Variants in THSD7A observed in about 807,000 individuals in gnomAD.
The protein encoded by THSD7A is thrombospondin type 1 domain containing 7A.
Under a neutral mutation model 231.3 loss-of-function variants are expected in THSD7A, and 96 were observed. The ratio of observed to expected loss-of-function variants is 0.41; its 90% CI spans 0.35 to 0.49. THSD7A has a LOEUF of 0.49. Among genes scored for constraint, THSD7A ranks in the 20% least tolerant of loss-of-function variants. THSD7A has a pLI of 0.05. For synonymous variants in THSD7A, 940 were observed against 743.3 expected (o/e 1.26, Z -4.30); for missense variants, 2,290 against 2,070.2 (o/e 1.11, Z -2.06).
intron 2 of THSD7A, among the ~76,000 whole-genome samples, chr7:11,602,358 C>A (rs1780582602): frequency 6.6e-6 from 1 of 151,970 alleles, no homozygotes; most frequent in South Asian, 2.1e-4. Flanking sequence ...ATACCCCAAA[C>A]CTTTCAACAA....
intron 1 of THSD7A, among the ~76,000 whole-genome samples, chr7:11,698,331 T>C (rs1780465524): frequency 6.6e-6 from 1 of 151,356 alleles, no homozygotes; most frequent in African/African-American, 2.4e-5. Context: ...TGAAGTTTTT[T>C]TTTTCATTCT....
chr7:11,820,330 G>C, intron 1 of THSD7A: 2 of 842,996 alleles, frequency 2.4e-6, no homozygotes, highest in Non-Finnish European at 1.7e-6. Context: ...CTCGGTTGTG[G>C]GCTGTAAATT....
intron 4 of THSD7A, among the ~76,000 whole-genome samples, chr7:11,587,894 A>G (rs1779979715): frequency 6.6e-6 from 1 of 152,136 alleles, no homozygotes; most frequent in Non-Finnish European, 1.5e-5. Context: ...TTTGAGTTAA[A>G]GTATTTTGTT....
At chr7:11,672,418 A>T (rs968762653) in intron 1 of THSD7A, among the ~76,000 whole-genome samples, 1 of 152,160 alleles carries the variant, frequency 6.6e-6, no homozygotes, top group Non-Finnish European at 1.5e-5. Context: ...CTTTCACTCT[A>T]TATTTAAAAC....
chr7:11,778,996 T>C (rs925770314), intron 1 of THSD7A, among the ~76,000 whole-genome samples: 2 of 152,104 alleles, frequency 1.3e-5, no homozygotes, highest in Admixed American at 1.3e-4. Context: ...AATATAAACA[T>C]AATTGGTATC....
At chr7:11,490,269 T>C (rs926964438) in intron 6 of THSD7A, among the ~76,000 whole-genome samples, 1 of 152,110 alleles carries the variant, frequency 6.6e-6, no homozygotes, top group African/African-American at 2.4e-5. Context: ...ACATGACCTT[T>C]AAATACATGA....
In THSD7A at chr7:11,406,416, C is replaced by G. The variant is rs1783583531; in HGVS notation, c.4121G>C (p.Gly1374Ala). ...TRNISCVVSD[G>A]SADDFSKVVD... is the part of the protein sequence containing the mutation. The stretch of plus-strand genomic sequence containing the variant: ...CACTTTGCTGAAATCATCAGCTGAC[C>G]CATCACTTACTACACAAGAAATGTT... The change falls in exon 22 of 28, where the codon GGG (glycine) becomes GCG (alanine). Residue 1374 changes from glycine (G) to alanine (A), a missense_variant. By Grantham distance (60) the Gly-to-Ala change is moderately conservative. Coordinates refer to ENST00000423059, the MANE Select transcript of THSD7A (RefSeq NM_015204.3). This position sits in a 1 kb window ranked among gnomAD's most constrained non-coding sequence, Gnocchi z 4.7. 1 of 1,613,770 alleles carries G rather than the reference C, an allele frequency of 6.2e-7. No individual in the cohort carries two copies. The highest frequency in any genetic ancestry group is 8.5e-7 in the Non-Finnish European group (1 of 1,179,872).
chr7:11,521,744 A>G (rs1392125508), intron 6 of THSD7A, among the ~76,000 whole-genome samples: 1 of 142,436 alleles, frequency 7.0e-6, no homozygotes, highest in African/African-American at 2.6e-5. Flanking sequence ...GTTTCCTTCA[A>G]ATGGCGGACT....
intron 2 of THSD7A, among the ~76,000 whole-genome samples, chr7:11,606,406 A>T (rs1780734255): frequency 1.3e-5 from 2 of 152,006 alleles, no homozygotes; most frequent in East Asian, 1.9e-4. Context: ...GATGAGCGCA[A>T]CCTATGAATG....
chr7:11,478,362 C>T (rs373260908), intron 7 of THSD7A, among the ~76,000 whole-genome samples: 1 of 152,108 alleles, frequency 6.6e-6, no homozygotes, highest in East Asian at 1.9e-4. Flanking sequence ...AACCCATGTG[C>T]CCCCTGTCCT....
chr7:11,702,283 A>G (rs1177191269), intron 1 of THSD7A, among the ~76,000 whole-genome samples: 1 of 151,144 alleles, frequency 6.6e-6, no homozygotes. Context: ...TGGATTGAGT[A>G]GTTGTCTGAA....
At chr7:11,505,608 A>G (rs1189534396) in intron 6 of THSD7A, among the ~76,000 whole-genome samples, 1 of 152,214 alleles carries the variant, frequency 6.6e-6, no homozygotes, top group Non-Finnish European at 1.5e-5. Context: ...ATTAAAATAC[A>G]CTAAAGAATT....
At chr7:11,664,769 A>G (rs1783056932) in intron 1 of THSD7A, among the ~76,000 whole-genome samples, 1 of 152,016 alleles carries the variant, frequency 6.6e-6, no homozygotes, top group African/African-American at 2.4e-5. Flanking sequence ...GCTGTCCCTT[A>G]ACACCATTTA....
intron 1 of THSD7A, among the ~76,000 whole-genome samples, chr7:11,774,268 A>G (rs79113949): frequency 0.026 from 3,965 of 152,318 alleles, 180 homozygotes; most frequent in African/African-American, 0.09. Flanking sequence ...TTCCATTTAT[A>G]TAAGGTATTA....
intron 4 of THSD7A, among the ~76,000 whole-genome samples, chr7:11,546,163 C>G (rs944164304): frequency 2.2e-5 from 3 of 136,490 alleles, no homozygotes; most frequent in Non-Finnish European, 4.7e-5. Context: ...CAGGGCCCAC[C>G]ACCCTGTTGC....
At chr7:11,674,328 T>C (rs1316466210) in intron 1 of THSD7A, among the ~76,000 whole-genome samples, 1 of 152,082 alleles carries the variant, frequency 6.6e-6, no homozygotes, top group African/African-American at 2.4e-5. Flanking sequence ...TAAGCTGCAG[T>C]GGAAGTGGCC....
chr7:11,594,200 A>C (rs1780275173), intron 2 of THSD7A, among the ~76,000 whole-genome samples: 1 of 152,204 alleles, frequency 6.6e-6, no homozygotes, highest in African/African-American at 2.4e-5. Context: ...TGTGGAACTC[A>C]TACTGGCTCT....
Position 11,444,779 on chromosome 7 carries a change from T to C in THSD7A, c.3064+1282A>G, listed in dbSNP as rs886272750. Among the ~76,000 whole-genome samples, 28 of 134,216 alleles carry C rather than the reference T, an allele frequency of 2.1e-4. No homozygotes were observed. The highest frequency in any genetic ancestry group is 3.6e-4 in the Non-Finnish European group (24 of 66,288). 88.1% of individuals were successfully genotyped at this position (134,216 alleles called of 152,430 possible). A position where few individuals can be genotyped will look rare whatever the true frequency, so the allele number is the denominator to read the frequency against. ...AAAAAAGAGAGGGGGCACAGTTGTC[T>C]GCTCTGTGTGTGTGTGTGTGTGTGT... On this transcript the variant is annotated intron_variant, in intron 13 of 27. Coordinates refer to ENST00000423059, the MANE Select transcript of THSD7A (RefSeq NM_015204.3). The surrounding 1 kb of genome is among the most constrained non-coding windows in gnomAD (Gnocchi z 4.2).
At chr7:11,376,262 T>C (rs1245975985) in intron 27 of THSD7A, among the ~76,000 whole-genome samples, 1 of 152,136 alleles carries the variant, frequency 6.6e-6, no homozygotes, top group African/African-American at 2.4e-5. Context: ...ATTACTGTAA[T>C]ATCTTCCTCC....
Sources: allele counts gnomAD v4.1 joint callset (sites outside exome capture counted in the v4.1 genomes callset), GRCh38; gene constraint gnomAD v4.1.1; non-coding constraint Gnocchi (gnomAD v3.1); transcripts MANE v1.5; gene names NCBI Gene and HGNC (gene_info 2026-07-23, HGNC 2026-07-21).